Variants in MTUS2 observed in about 807,000 individuals in gnomAD.
The protein encoded by MTUS2 is microtubule associated scaffold protein 2, also known as microtubule-associated tumor suppressor candidate 2.
MTUS2 carries 40 observed loss-of-function variants against 114.1 expected under a neutral mutation model. The ratio of observed to expected loss-of-function variants is 0.35; its 90% CI spans 0.27 to 0.46. The LOEUF (loss-of-function observed/expected upper bound fraction) is 0.46, where lower values mean the gene tolerates loss of function less well. Ranked by LOEUF, MTUS2 falls within the 20% of genes least tolerant of loss-of-function variation. The probability of loss-of-function intolerance (pLI) is 1.00; values close to 1 mark genes in which losing one functional copy is unlikely to be tolerated. For missense variants in MTUS2, 1,679 were observed against 1,705.4 expected (o/e 0.98, Z 0.27); for synonymous variants, 688 against 672.0 (o/e 1.02, Z -0.37).
chr13:28,993,193 AACAC>A lies in MTUS2; in HGVS notation c.-242-31262_-242-31259del, dbSNP rs1593363733. 2.6e-5 allele frequency among the ~76,000 whole-genome samples: 4 copies of A among 152,228 alleles called. No individual in the cohort carries two copies. In the East Asian group the frequency reaches 7.7e-4, roughly 29 times the overall value. On this transcript the variant is annotated intron_variant, in intron 2 of 15. Transcript: ENST00000612955. Reference sequence around the variant, plus strand: ...AGCTATTGTGACTAATGCTGCTGTAAACACAAGTATACCAATATCTCTTTGAAAC... The same window carrying A: ...AGCTATTGTGACTAATGCTGCTGTAAAAGTATACCAATATCTCTTTGAAAC...
chr13:29,392,146 C>CA (rs56797889), intron 8 of MTUS2, among the ~76,000 whole-genome samples: 3,412 of 137,136 alleles, frequency 0.025, 172 homozygotes, highest in African/African-American at 0.089. Flanking sequence ...AAAAACAAAC[C>CA]AAAAAAAAAA....
intron 8 of MTUS2, among the ~76,000 whole-genome samples, chr13:29,420,735 C>T (rs961595844): frequency 6.6e-6 from 1 of 152,192 alleles, no homozygotes; most frequent in African/African-American, 2.4e-5. Context: ...TTTTACCTAT[C>T]AGTTGTCCAA....
chr13:28,889,173 G>A (rs551499966), intron 2 of MTUS2, among the ~76,000 whole-genome samples: 11 of 152,248 alleles, frequency 7.2e-5, no homozygotes, highest in African/African-American at 2.6e-4. Flanking sequence ...CCCTGGAGGT[G>A]TAGCTCTTCA....
chr13:29,162,338 TTTGTTA>T (rs1893133971), intron 5 of MTUS2, among the ~76,000 whole-genome samples: 1 of 152,182 alleles, frequency 6.6e-6, no homozygotes. Flanking sequence ...AGTGATTTGT[TTTGTTA>T]TTGTTTGACT....
intron 5 of MTUS2, among the ~76,000 whole-genome samples, chr13:29,117,628 A>G (rs867239102): frequency 6.6e-6 from 1 of 152,184 alleles, no homozygotes; most frequent in Non-Finnish European, 1.5e-5. Context: ...GGGACAGGAA[A>G]GCGGCCACCC....
chr13:28,939,524 AAAACAGTTT>A (rs11279901), intron 2 of MTUS2, among the ~76,000 whole-genome samples: 1,764 of 152,318 alleles, frequency 0.012, 29 homozygotes, highest in African/African-American at 0.04. Flanking sequence ...AAGCATCAAC[AAAACAGTTT>A]CCAAATGTTT....
intron 4 of MTUS2, among the ~76,000 whole-genome samples, chr13:29,084,007 G>A (rs1027746336): frequency 6.6e-6 from 1 of 152,094 alleles, no homozygotes; most frequent in Non-Finnish European, 1.5e-5. Context: ...ATTATAGCAT[G>A]TTAATCTGTA....
chr13:29,385,495 A>G (rs1199461852), intron 8 of MTUS2, among the ~76,000 whole-genome samples: 3 of 152,098 alleles, frequency 2.0e-5, no homozygotes, highest in Non-Finnish European at 2.9e-5. Context: ...GTCTTCCTCT[A>G]CCCTTCAGAA....
intron 2 of MTUS2, among the ~76,000 whole-genome samples, chr13:28,905,987 G>T (rs1879981158): frequency 6.6e-6 from 1 of 151,584 alleles, no homozygotes; most frequent in Admixed American, 6.6e-5. Flanking sequence ...TCTTGGGAGG[G>T]TGTATGTGTC....
At position 29,501,214 on chromosome 13, in the gene MTUS2, C is replaced by A; in HGVS notation, c.3896+20C>A. The A allele has an allele frequency of 6.3e-7, 1 of 1,586,622 alleles. No homozygotes were observed. Among genetic ancestry groups the A allele is most frequent in the South Asian group, 1.1e-5 (1 of 90,200 alleles). On this transcript the variant is annotated intron_variant, in intron 15 of 15. Coordinates refer to ENST00000612955, the MANE Select transcript of MTUS2 (RefSeq NM_001033602.4). ...CACCAGGTAGGTGGGCTGGGTGTCA[C>A]CTACAAAGTGACTTTCCTCTTGAGC...
At chr13:29,023,523 A>G (rs1461081269) in intron 2 of MTUS2, among the ~76,000 whole-genome samples, 4 of 152,330 alleles carry the variant, frequency 2.6e-5, no homozygotes, top group Non-Finnish European at 5.9e-5. Context: ...TAGAAAAATC[A>G]TGACATACTA....
chr13:29,389,757 G>A (rs1265310147), intron 8 of MTUS2, among the ~76,000 whole-genome samples: 1 of 9,052 alleles, frequency 1.1e-4, no homozygotes, highest in Non-Finnish European at 5.6e-4. Flanking sequence ...ATACATATGT[G>A]TGTATATGTA....
intron 2 of MTUS2, among the ~76,000 whole-genome samples, chr13:28,937,013 G>A (rs1319417563): frequency 5.3e-5 from 8 of 152,164 alleles, no homozygotes; most frequent in Non-Finnish European, 2.9e-5. Flanking sequence ...GGAAATAGGG[G>A]CAGAATTTGA....
intron 8 of MTUS2, among the ~76,000 whole-genome samples, chr13:29,360,548 T>G (rs1870141067): frequency 6.6e-6 from 1 of 152,248 alleles, no homozygotes; most frequent in African/African-American, 2.4e-5. Context: ...GAAATTTCCA[T>G]TTTACCAATA....
rs1487414241 is a variant in MTUS2 at position 29,503,883 on chromosome 13, A to G, written c.*677A>G. 1 of 232,482 alleles carries G rather than the reference A, an allele frequency of 4.3e-6. No homozygotes were observed. Among genetic ancestry groups the G allele is most frequent in the Non-Finnish European group, 8.5e-6 (1 of 117,486 alleles). The allele number at this position is 232,482 out of a possible 1,614,324, so 14.4% of individuals were successfully genotyped here. On this transcript the variant is annotated 3_prime_UTR_variant, in exon 16 of 16. Transcript: ENST00000612955. ...TCAGTCAACATGATGTGAGATCACT[A>G]TTATTCCATTCGCAAGTTTTAATTA...
At position 29,503,397 on chromosome 13, in the gene MTUS2, T is replaced by G; in HGVS notation, c.*191T>G. On this transcript the variant is annotated 3_prime_UTR_variant, in exon 16 of 16. Transcript: ENST00000612955. ...TCGGCACTTAGGAATGTGTAAATGGTAAAGTCTGATGTGCAAACGTTTTAC... is the reference window on the plus strand; with the variant it reads ...TCGGCACTTAGGAATGTGTAAATGGGAAAGTCTGATGTGCAAACGTTTTAC... The G allele has an allele frequency of 1.6e-6, 1 of 624,530 alleles. No homozygotes were observed. Among genetic ancestry groups the G allele is most frequent in the Middle Eastern group, 4.3e-4 (1 of 2,332 alleles). 38.7% of individuals were successfully genotyped at this position (624,530 alleles called of 1,614,324 possible). A position where few individuals can be genotyped will look rare whatever the true frequency, so the allele number is the denominator to read the frequency against.
At chr13:28,824,245 C>G (rs547484868) in intron 1 of MTUS2, among the ~76,000 whole-genome samples, 6 of 152,210 alleles carry the variant, frequency 3.9e-5, no homozygotes, top group African/African-American at 1.2e-4. Context: ...TAAAAACTTA[C>G]AATTGTAATT....
In MTUS2 at chr13:29,233,664, T is replaced by G. The variant is rs758031632; in HGVS notation, c.2645-48040T>G. On this transcript the variant is annotated intron_variant, in intron 5 of 15. Coordinates refer to ENST00000612955, the MANE Select transcript of MTUS2 (RefSeq NM_001033602.4). ...ATTTTGTATTTGTGGTGATCCAATCTCAGCTTTTTAATTCTGTCTAAGAAG... is the reference window on the plus strand; with the variant it reads ...ATTTTGTATTTGTGGTGATCCAATCGCAGCTTTTTAATTCTGTCTAAGAAG... 4.3e-4 allele frequency among the ~76,000 whole-genome samples: 66 copies of G among 152,228 alleles called. 2 individuals are homozygous for G. Among genetic ancestry groups the G allele is most frequent in the Admixed American group, 4.2e-3 (64 of 15,290 alleles).
At chr13:29,205,828 ATT>A (rs1895160898) in intron 5 of MTUS2, among the ~76,000 whole-genome samples, 2 of 152,142 alleles carry the variant, frequency 1.3e-5, no homozygotes, top group African/African-American at 4.8e-5. Flanking sequence ...ATTTGGGATG[ATT>A]CCATATTTTT....
Sources: gnomAD v4.1 joint callset for allele counts (sites outside exome capture counted in the v4.1 genomes callset) on GRCh38, gnomAD v4.1.1 for gene constraint, MANE v1.5 for transcripts, NCBI Gene and HGNC (gene_info 2026-07-23, HGNC 2026-07-21) for gene names.